The following TP53BP1 variants were observed in gnomAD, a reference collection of about 807,000 sequenced individuals.
TP53BP1 encodes the protein TP53-binding protein 1.
Under a neutral mutation model 200.8 loss-of-function variants are expected in TP53BP1, and 61 were observed. The observed-to-expected ratio is 0.30, with a 90% CI of 0.25 to 0.38. The LOEUF is 0.38. TP53BP1 is among the 10% of genes least tolerant of loss of function. The probability of loss-of-function intolerance (pLI) is 1.00; values close to 1 mark genes in which losing one functional copy is unlikely to be tolerated. For synonymous variants in TP53BP1, 822 were observed against 844.3 expected (o/e 0.97, Z 0.46); for missense variants, 2,144 against 2,371.9 (o/e 0.90, Z 2.00).
intron 4 of TP53BP1, among the ~76,000 whole-genome samples, chr15:43,489,924 T>A (rs2079097554): frequency 6.6e-6 from 1 of 152,094 alleles, no homozygotes; most frequent in Non-Finnish European, 1.5e-5. Flanking sequence ...AAAAAGCTTT[T>A]CTTTTTGAGA....
chr15:43,420,923 CCT>C (rs1261718392), intron 20 of TP53BP1, 100 bp downstream of exon 20: 79 of 1,433,128 alleles, frequency 5.5e-5, no homozygotes, highest in Non-Finnish European at 7.1e-5. Context: ...CAGTATGGCC[CCT>C]CTTCTCCCTC....
At chr15:43,494,673 G>C (rs1045455518), upstream of TP53BP1, among the ~76,000 whole-genome samples, 1 of 152,162 alleles carries the variant, frequency 6.6e-6, no homozygotes, top group African/African-American at 2.4e-5. Flanking sequence ...CCAGGTTAGA[G>C]CAATACTAAC....
intron 14 of TP53BP1, among the ~76,000 whole-genome samples, chr15:43,445,984 C>T (rs1245515430): frequency 6.6e-6 from 1 of 152,140 alleles, no homozygotes; most frequent in African/African-American, 2.4e-5. Flanking sequence ...ATGTAAAAAG[C>T]CTTTCAGCAT....
At chr15:43,469,363 G>C (rs1281117323) in intron 11 of TP53BP1, among the ~76,000 whole-genome samples, 1 of 152,096 alleles carries the variant, frequency 6.6e-6, no homozygotes, top group Non-Finnish European at 1.5e-5. Flanking sequence ...GATAAGTGAA[G>C]ACAATATAAC....
At chr15:43,491,613 G>C in intron 4 of TP53BP1, 56 bp downstream of exon 4, 2 of 1,317,694 alleles carry the variant, frequency 1.5e-6, no homozygotes, top group Admixed American at 3.4e-5. Flanking sequence ...AACAGGTACA[G>C]ATAAAAGAAC....
chr15:43,497,431 G>A (rs1201225151), upstream of TP53BP1: 3 of 985,312 alleles, frequency 3.0e-6, no homozygotes, highest in African/African-American at 5.2e-5. Context: ...AGTGTCTGAT[G>A]CTGTTGCCAT....
chr15:43,440,067 A>G (rs1311275286), intron 15 of TP53BP1, among the ~76,000 whole-genome samples: 2 of 152,230 alleles, frequency 1.3e-5, no homozygotes. Flanking sequence ...ACTTTGAAAA[A>G]GGTCAGAAAC....
intron 11 of TP53BP1, among the ~76,000 whole-genome samples, chr15:43,465,659 G>A (rs1173018798): frequency 2.6e-5 from 4 of 152,120 alleles, no homozygotes; most frequent in Non-Finnish European, 5.9e-5. Flanking sequence ...CCAATACAAT[G>A]AATGAAAATA....
intron 10 of TP53BP1, among the ~76,000 whole-genome samples, chr15:43,473,994 G>A (rs888202060): frequency 6.6e-6 from 1 of 152,248 alleles, no homozygotes. Flanking sequence ...GGCATGGCGG[G>A]CTGCAGGTCC....
intron 4 of TP53BP1, among the ~76,000 whole-genome samples, chr15:43,489,105 A>C (rs546304244): frequency 1.3e-5 from 2 of 152,208 alleles, no homozygotes; most frequent in Non-Finnish European, 2.9e-5. Flanking sequence ...TGTATTCCAC[A>C]AAGAGGTGTC....
chr15:43,493,318 G>T, upstream of TP53BP1: 1 of 1,069,040 alleles, frequency 9.4e-7, no homozygotes, highest in Non-Finnish European at 1.3e-6. Context: ...GGACGTTGCA[G>T]GCCCTCCCCT....
At position 43,407,326 on chromosome 15, in the gene TP53BP1, T is replaced by C; in HGVS notation, c.*57A>G. 3 of 1,516,710 alleles carry C rather than the reference T, an allele frequency of 2.0e-6. No homozygotes were observed. Among genetic ancestry groups the C allele is most frequent in the Non-Finnish European group, 2.7e-6 (3 of 1,101,472 alleles). The allele number at this position is 1,516,710 out of a possible 1,614,324, so 94.0% of individuals were successfully genotyped here. A position where few individuals can be genotyped will look rare whatever the true frequency, so the allele number is the denominator to read the frequency against. ...TTACACACAAGACACATTTAAAACC[T>C]GGTTAAAACACAATCTCCACGATAG... On this transcript the variant is annotated 3_prime_UTR_variant, in exon 28 of 28. Transcript: ENST00000382044.
Position 43,474,600 on chromosome 15 carries a change from T to C in TP53BP1, c.1180+73A>G, listed in dbSNP as rs191809070. The C allele has an allele frequency of 4.4e-5, 44 of 1,006,572 alleles. No individual in the cohort carries two copies. The East Asian group carries it at 9.4e-4, about 22-fold the overall frequency. 62.4% of individuals were successfully genotyped at this position (1,006,572 alleles called of 1,614,324 possible). Reference sequence around the variant, plus strand: ...AGCATTCTAAAGTACAAAGAAGTAGTACATTTTGCAAGGCAGAAAAAGTGT... The same window carrying C: ...AGCATTCTAAAGTACAAAGAAGTAGCACATTTTGCAAGGCAGAAAAAGTGT... On this transcript the variant is annotated intron_variant, in intron 10 of 27. Transcript: ENST00000382044.
upstream of TP53BP1, chr15:43,497,685 A>G (rs2140170956): frequency 6.5e-6 from 1 of 153,858 alleles, no homozygotes; most frequent in South Asian, 2.1e-4. Context: ...GCAAATTCAG[A>G]AAGAGAGAAA....
At chr15:43,449,129 A>G (rs977169226) in intron 12 of TP53BP1, among the ~76,000 whole-genome samples, 3 of 152,184 alleles carry the variant, frequency 2.0e-5, no homozygotes, top group Admixed American at 2.0e-4. Flanking sequence ...CGTGCCTCAA[A>G]AAAACAAAAC....
At chr15:43,433,339 T>C (rs1401872365) in intron 16 of TP53BP1, among the ~76,000 whole-genome samples, 2 of 152,232 alleles carry the variant, frequency 1.3e-5, no homozygotes. Context: ...CAGTGATTCG[T>C]TCCTTTATTC....
Position 43,474,736 on chromosome 15 carries a change from C to G in TP53BP1, c.1117G>C (p.Asp373His). The change falls in exon 10 of 28, where the codon GAT (aspartate) becomes CAT (histidine). Residue 373 changes from aspartate to histidine, a missense_variant. Around this residue, in one of 4 missense-constraint regions of TP53BP1, gnomAD observed 1,700 missense variants for 1,710.3 expected, o/e 0.99. Transcript: ENST00000382044. ...ATAAAAGGAGTAGATCGGAAAGCAT[C>G]AGGAGAAGGAGCAACAAGATCTGAA... ...NSSDLVAPSP[D>H]AFRSTPFIVP... The G allele has an allele frequency of 6.2e-7, 1 of 1,613,214 alleles. No homozygotes were observed. The highest frequency in any genetic ancestry group is 1.1e-5 in the South Asian group (1 of 91,046).
chr15:43,451,932 C>T (rs1434469472), intron 12 of TP53BP1, among the ~76,000 whole-genome samples: 1 of 152,152 alleles, frequency 6.6e-6, no homozygotes, highest in Admixed American at 6.5e-5. Context: ...GCCAGGACTT[C>T]GAGACCAGCC....
chr15:43,419,514 C>T (rs1329244970), intron 21 of TP53BP1, among the ~76,000 whole-genome samples: 2 of 150,776 alleles, frequency 1.3e-5, no homozygotes, highest in Non-Finnish European at 3.0e-5. Flanking sequence ...CATGTGCCCC[C>T]ATGCCCAGCT....
Sources: allele counts gnomAD v4.1 joint callset (sites outside exome capture counted in the v4.1 genomes callset), GRCh38; gene constraint gnomAD v4.1.1; regional missense constraint gnomAD v4.1.1; transcripts MANE v1.5; gene names NCBI Gene and HGNC (gene_info 2026-07-23, HGNC 2026-07-21).